PAICS: variants seen among roughly 807,000 people sequenced by gnomAD.
PAICS encodes phosphoribosylaminoimidazole carboxylase and phosphoribosylaminoimidazolesuccinocarboxamide synthase, also known as bifunctional phosphoribosylaminoimidazole carboxylase/phosphoribosylaminoimidazole succinocarboxamide synthetase.
A neutral mutation model predicts 53.7 loss-of-function variants in PAICS; 33 were observed. The observed-to-expected ratio is 0.61, with a 90% CI of 0.47 to 0.82. PAICS has a LOEUF of 0.82. PAICS is among the 40% of genes least tolerant of loss of function. PAICS has a pLI of 0.00. For synonymous variants in PAICS, 141 were observed against 167.2 expected (o/e 0.84, Z 1.21); for missense variants, 394 against 494.1 (o/e 0.80, Z 1.92).
upstream of PAICS, chr4:56,435,610 G>T: frequency 6.6e-7 from 1 of 1,505,648 alleles, no homozygotes; most frequent in Non-Finnish European, 8.9e-7. Context: ...GGTGGCCCCA[G>T]CTACTGCGGC....
rs141632329 is a variant in PAICS, at chr4:56,460,353, C to T, written c.*815C>T. 6.6e-6 allele frequency: 1 copy of T among 152,322 alleles called. No homozygotes were observed. Among genetic ancestry groups the T allele is most frequent in the African/African-American group, 2.4e-5 (1 of 41,576 alleles). The allele number at this position is 152,322 out of a possible 1,614,324, so 9.4% of individuals were successfully genotyped here. ...TCATTGATGTTTTTCTCACGTTTCA[C>T]ATCTCACTCATCACCAAGTCATGTT... is the stretch of plus-strand genomic sequence containing the variant. On this transcript the variant is annotated 3_prime_UTR_variant, in exon 9 of 9. Transcript: ENST00000512576.
At chr4:56,432,340 C>T (rs528808773), upstream of PAICS, among the ~76,000 whole-genome samples, 2 of 152,088 alleles carry the variant, frequency 1.3e-5, no homozygotes, top group East Asian at 3.9e-4. Context: ...CCAGCCTGGT[C>T]AACATGGTGA....
chr4:56,459,360 C>G lies in PAICS; in HGVS notation c.1112-12C>G. The G allele has an allele frequency of 6.6e-7, 1 of 1,519,262 alleles. No individual in the cohort carries two copies. Among genetic ancestry groups the G allele is most frequent in the Non-Finnish European group, 8.9e-7 (1 of 1,125,934 alleles). The allele number at this position is 1,519,262 out of a possible 1,614,324, so 94.1% of individuals were successfully genotyped here. A position where few individuals can be genotyped will look rare whatever the true frequency, so the allele number is the denominator to read the frequency against. On this transcript the variant is annotated splice_polypyrimidine_tract_variant and intron_variant, in intron 8 of 8. Coordinates refer to ENST00000512576, the MANE Select transcript of PAICS (RefSeq NM_001079524.2). ...AGCTCAATTTTCTGTCTTTTCCTTG[C>G]TGAACCAATAGGTCTTGGCTGTTCA... is the stretch of plus-strand genomic sequence containing the variant.
At chr4:56,446,378 G>A (rs754547945) in intron 2 of PAICS, 13 of 717,614 alleles carry the variant, frequency 1.8e-5, no homozygotes, top group South Asian at 7.4e-5. Context: ...AAGTCAAATC[G>A]TAAGTATTTG....
upstream of PAICS, chr4:56,436,124 G>T: frequency 6.8e-7 from 1 of 1,476,390 alleles, no homozygotes. Context: ...TGTTTCGTCC[G>T]ATATCCGCGT....
the PAICS span, among the ~76,000 whole-genome samples, chr4:56,415,618 G>C: frequency 6.6e-6 from 1 of 152,020 alleles, no homozygotes; most frequent in South Asian, 2.1e-4. Flanking sequence ...AATTATATAA[G>C]ATACTTAAAA....
At chr4:56,432,811 G>A, upstream of PAICS, among the ~76,000 whole-genome samples, 1 of 148,476 alleles carries the variant, frequency 6.7e-6, no homozygotes, top group Non-Finnish European at 1.5e-5. Flanking sequence ...AAATCAAGAA[G>A]ATAATATATA....
chr4:56,438,796 C>T (rs958803156), intron 1 of PAICS, among the ~76,000 whole-genome samples: 4 of 152,034 alleles, frequency 2.6e-5, no homozygotes, highest in African/African-American at 9.7e-5. Flanking sequence ...ATGAAAAATT[C>T]TTTAGATATT....
At chr4:56,416,326 T>C in the PAICS span, 3 of 384,020 alleles carry the variant, frequency 7.8e-6, no homozygotes, top group Non-Finnish European at 1.1e-5. Context: ...ATGTTGTTTC[T>C]AAAAGGAATT....
chr4:56,424,031 A>G, the PAICS span, among the ~76,000 whole-genome samples: 1 of 152,172 alleles, frequency 6.6e-6, no homozygotes, highest in East Asian at 1.9e-4. Flanking sequence ...AGTGATGGGT[A>G]TTTACATGTA....
At position 56,456,488 on chromosome 4, in the gene PAICS, C is replaced by T. The variant is rs553015777; in HGVS notation, c.1111+2727C>T. Among the ~76,000 whole-genome samples, 68 of 152,204 alleles carry T rather than the reference C, an allele frequency of 4.5e-4. 1 individual carries two copies. In the South Asian group the frequency reaches 0.012, roughly 26 times the overall value. On this transcript the variant is annotated intron_variant, in intron 8 of 8. Transcript: ENST00000512576. ...AGTGGCATGATCATATCTCACTGGA[C>T]CCTTGAACTCCCCGGGCTCATGTGA...
chr4:56,457,638 T>A (rs1296025726), intron 8 of PAICS, among the ~76,000 whole-genome samples: 3 of 151,476 alleles, frequency 2.0e-5, no homozygotes, highest in African/African-American at 7.3e-5. Context: ...TTCTCATCTT[T>A]CCCTGCTTTC....
Position 56,459,535 on chromosome 4 carries a change from A to G in PAICS, c.1275A>G (p.Leu425=). ...QADKKIRECN[L] ...ACAAGAAAATCAGAGAATGTAATTT[A>G]TAAGAAAGAATGCCATTGAATTTTT... The change falls in exon 9 of 9, where the codon TTA becomes TTG. Residue 425 remains leucine (L), a synonymous_variant. Coordinates refer to ENST00000512576, the MANE Select transcript of PAICS (RefSeq NM_001079524.2). The G allele has an allele frequency of 6.5e-7, 1 of 1,546,684 alleles. No homozygotes were observed. The highest frequency in any genetic ancestry group is 2.3e-5 in the East Asian group (1 of 43,720).
At chr4:56,440,614 C>G (rs1375030317) in intron 1 of PAICS, among the ~76,000 whole-genome samples, 2 of 152,216 alleles carry the variant, frequency 1.3e-5, no homozygotes, top group African/African-American at 4.8e-5. Context: ...CCCTTTCTCT[C>G]CTTTGGCTAA....
At position 56,463,510 on chromosome 4, in the gene PAICS, A is replaced by G. The variant is rs1578166943; in HGVS notation, c.*3972A>G. 1 of 151,834 alleles carries G rather than the reference A, an allele frequency of 6.6e-6. No homozygotes were observed. The highest frequency in any genetic ancestry group is 2.4e-5 in the African/African-American group (1 of 41,282). 9.4% of individuals were successfully genotyped at this position (151,834 alleles called of 1,614,324 possible). ...GGAGTTCAAGACCAGCCTGACTGAC[A>G]TGGAGAAACCCCCTCTTTACTAAAA... On this transcript the variant is annotated 3_prime_UTR_variant, in exon 9 of 9. Coordinates refer to ENST00000512576, the MANE Select transcript of PAICS (RefSeq NM_001079524.2).
chr4:56,430,080 G>C, the PAICS span, among the ~76,000 whole-genome samples: 4 of 152,054 alleles, frequency 2.6e-5, no homozygotes, highest in Non-Finnish European at 5.9e-5. Flanking sequence ...GGGCAACATA[G>C]TGAAACCCCC....
intron 1 of PAICS, 130 bp from the exon 2 acceptor site, chr4:56,441,533 T>C: frequency 4.4e-6 from 2 of 457,676 alleles, no homozygotes; most frequent in Non-Finnish European, 7.8e-6. Flanking sequence ...TATGGTTTTA[T>C]ACAGATGATT....
chr4:56,432,864 A>T (rs1430573920), upstream of PAICS, among the ~76,000 whole-genome samples: 13 of 151,358 alleles, frequency 8.6e-5, no homozygotes, highest in African/African-American at 1.2e-4. Context: ...ACACAATCAA[A>T]CCTTTTTGCA....
rs1475600475 is a variant in PAICS, at chr4:56,448,554, A to C, written c.530A>C (p.Glu177Ala). The C allele has an allele frequency of 6.2e-7, 1 of 1,608,970 alleles. No homozygotes were observed. The highest frequency in any genetic ancestry group is 1.7e-5 in the Admixed American group (1 of 59,546). ...HATQAIFEIL[E>A]KSWLPQNCTL... ...ACACAGGCTATATTTGAAATACTGG[A>C]GAAATCCTGGTTGCCCCAGAATTGT... is the stretch of plus-strand genomic sequence containing the variant. The change falls in exon 4 of 9, where the codon GAG becomes GCG. Residue 177 changes from glutamate (E) to alanine (A), a missense_variant. By Grantham distance (107) the Glu-to-Ala change is moderately radical. Around this residue, in one of 3 missense-constraint regions of PAICS, gnomAD observed 131 missense variants for 205.5 expected, o/e 0.64. Coordinates refer to ENST00000512576, the MANE Select transcript of PAICS (RefSeq NM_001079524.2).
Sources: gnomAD v4.1 joint callset for allele counts (sites outside exome capture counted in the v4.1 genomes callset) on GRCh38, gnomAD v4.1.1 for gene constraint, gnomAD v4.1.1 regional missense constraint, MANE v1.5 for transcripts, NCBI Gene and HGNC (gene_info 2026-07-23, HGNC 2026-07-21) for gene names.